The following GGA1 variants were observed in gnomAD, a reference collection of about 807,000 sequenced individuals.
GGA1 encodes golgi associated, gamma adaptin ear containing, ARF binding protein 1.
GGA1 carries 18 observed loss-of-function variants against 76.9 expected under a neutral mutation model. The observed-to-expected ratio is 0.23, with a 90% CI of 0.16 to 0.35. The LOEUF (loss-of-function observed/expected upper bound fraction) is 0.35. Ranked by LOEUF, GGA1 falls within the 10% of genes least tolerant of loss-of-function variation. The pLI is 1.00. For synonymous variants in GGA1, 342 were observed against 354.7 expected, an observed-to-expected ratio of 0.96 and a Z score of 0.40; for missense variants, 755 against 859.0, an observed-to-expected ratio of 0.88 and a Z score of 1.51.
At chr22:37,629,625 A>T in intron 12 of GGA1, 99 bp downstream of exon 12, 2 of 760,956 alleles carry the variant, frequency 2.6e-6, no homozygotes, top group Non-Finnish European at 4.1e-6. Flanking sequence ...GATGGGCTCT[A>T]CTCAAGAGCC....
Position 37,625,025 on chromosome 22 carries a change from C to T in GGA1, c.889C>T (p.Leu297=), listed in dbSNP as rs1197780316. The change falls in exon 10 of 17, where the codon CTG becomes TTG. Residue 297 remains leucine, a synonymous_variant. Coordinates refer to ENST00000343632, the MANE Select transcript of GGA1 (RefSeq NM_013365.5). This position sits in a 1 kb window ranked among gnomAD's most constrained non-coding sequence, Gnocchi z 4.1. ...LTQVINLYKQ[L]VRGEEVNGDA... ...CCAGGTGATCAACCTGTATAAGCAG[C>T]TGGTGCGGGGTGAGGAGGTCAACGG... 1 of 1,602,798 alleles carries T rather than the reference C, an allele frequency of 6.2e-7. No homozygotes were observed. The highest frequency in any genetic ancestry group is 8.5e-7 in the Non-Finnish European group (1 of 1,175,442).
intron 1 of GGA1, chr22:37,610,698 A>T (rs1426112883): frequency 6.6e-6 from 1 of 152,304 alleles, no homozygotes; most frequent in African/African-American, 2.4e-5. Context: ...CGGCCTAGTG[A>T]GGTAAATGAT....
rs1256567023 is a variant in GGA1 at position 37,620,899 on chromosome 22, G to A, written c.514G>A (p.Glu172Lys). The A allele has an allele frequency of 4.4e-6, 7 of 1,606,028 alleles. No individual in the cohort carries two copies. The highest frequency in any genetic ancestry group is 6.0e-6 in the Non-Finnish European group (7 of 1,172,554). ...GCCGAAGAATGTGATCTTTGAAGAT[G>A]AGGAGAAATCCAAGGTGAGACTCCA... ...PRPKNVIFED[E>K]EKSKMLARLL... The change falls in exon 6 of 17, where the codon GAG becomes AAG. Residue 172 changes from glutamate to lysine, a missense_variant. Coordinates refer to ENST00000343632, the MANE Select transcript of GGA1 (RefSeq NM_013365.5).
Position 37,625,654 on chromosome 22 carries a change from A to G in GGA1, c.941-143A>G, listed in dbSNP as rs1485924176. Reference sequence around the variant, plus strand: ...AGGTCCTGTTGAGCAGTTTCCAGGCAGGGGCTGGTGTGGCCAAGGAAGGGG... The same window carrying G: ...AGGTCCTGTTGAGCAGTTTCCAGGCGGGGGCTGGTGTGGCCAAGGAAGGGG... On this transcript the variant is annotated intron_variant, in intron 10 of 16. Coordinates refer to ENST00000343632, the MANE Select transcript of GGA1 (RefSeq NM_013365.5). The surrounding 1 kb of genome is among the most constrained non-coding windows in gnomAD (Gnocchi z 4.1). The G allele has an allele frequency of 5.6e-6, 3 of 536,138 alleles. No individual in the cohort carries two copies. The highest frequency in any genetic ancestry group is 3.0e-5 in the East Asian group (1 of 33,070). 33.2% of individuals were successfully genotyped at this position (536,138 alleles called of 1,614,324 possible).
chr22:37,632,904 A>T lies in GGA1; in HGVS notation c.*193A>T. On this transcript the variant is annotated 3_prime_UTR_variant, in exon 17 of 17. Coordinates refer to ENST00000343632, the MANE Select transcript of GGA1 (RefSeq NM_013365.5). This position sits in a 1 kb window ranked among gnomAD's most constrained non-coding sequence, Gnocchi z 5.1. ...TCCGGCCCCGCCCCTGCTGAGCCAA[A>T]CCCAGTAGGAGGCTGGGCCTGGGTT... The T allele has an allele frequency of 3.4e-6, 2 of 580,670 alleles. No individual in the cohort carries two copies. Among genetic ancestry groups the T allele is most frequent in the African/African-American group, 1.9e-5 (1 of 53,646 alleles). 36.0% of individuals were successfully genotyped at this position (580,670 alleles called of 1,614,324 possible).
Position 37,625,961 on chromosome 22 carries a change from G to A in GGA1, c.1093+12G>A. The A allele has an allele frequency of 6.3e-7, 1 of 1,575,834 alleles. No homozygotes were observed. Among genetic ancestry groups the A allele is most frequent in the Non-Finnish European group, 8.6e-7 (1 of 1,160,464 alleles). Reference sequence around the variant, plus strand: ...GCTCATGTCTCTGGGTGAGGAAGGGGCCAGGCCTGGAGGAGGGCGGGCTCA... The same window carrying A: ...GCTCATGTCTCTGGGTGAGGAAGGGACCAGGCCTGGAGGAGGGCGGGCTCA... On this transcript the variant is annotated intron_variant, in intron 11 of 16. Coordinates refer to ENST00000343632, the MANE Select transcript of GGA1 (RefSeq NM_013365.5). The surrounding 1 kb of genome is among the most constrained non-coding windows in gnomAD (Gnocchi z 4.1).
rs781376328 is a variant in GGA1, at chr22:37,630,887, C to G, written c.1332-16C>G. 1.3e-6 allele frequency: 2 copies of G among 1,591,588 alleles called. No individual in the cohort carries two copies. The highest frequency in any genetic ancestry group is 1.3e-5 in the African/African-American group (1 of 74,268). The stretch of plus-strand genomic sequence containing the variant: ...TGGCCAAGAATCACTTCTTAATGCA[C>G]TGTCCCCCGATTAAGGGAGAAGCAG... On this transcript the variant is annotated splice_polypyrimidine_tract_variant and intron_variant, in intron 13 of 16. Coordinates refer to ENST00000343632, the MANE Select transcript of GGA1 (RefSeq NM_013365.5).
In GGA1 at chr22:37,632,697, T is replaced by G. The variant is rs762701050; in HGVS notation, c.1906T>G (p.Trp636Gly). 6.3e-7 allele frequency: 1 copy of G among 1,594,680 alleles called. No individual in the cohort carries two copies. The change falls in exon 17 of 17, where the codon TGG becomes GGG. Residue 636 changes from tryptophan (W) to glycine (G), a missense_variant. Trp to Gly is a radical substitution (Grantham distance 184). Transcript: ENST00000343632. This position sits in a 1 kb window ranked among gnomAD's most constrained non-coding sequence, Gnocchi z 5.1. The part of the protein sequence containing the change: ...DVDQFPPPET[W>G]GSL ...GGACCAGTTCCCCCCACCTGAAACC[T>G]GGGGTAGCCTCTAGAACAGAGGGGC... is the stretch of plus-strand genomic sequence containing the variant.
intron 1 of GGA1, among the ~76,000 whole-genome samples, chr22:37,613,665 C>G (rs1043528246): frequency 1.3e-5 from 2 of 151,906 alleles, no homozygotes; most frequent in African/African-American, 4.8e-5. Flanking sequence ...TCCCAAAGTG[C>G]TGGGATTACA....
At position 37,609,143 on chromosome 22, in the gene GGA1, C is replaced by T. The variant is rs565553379; in HGVS notation, c.43+240C>T. 15 of 1,468,082 alleles carry T rather than the reference C, an allele frequency of 1.0e-5. No individual in the cohort carries two copies. In the African/African-American group the frequency reaches 1.8e-4, roughly 17 times the overall value. The allele number at this position is 1,468,082 out of a possible 1,614,324, so 90.9% of individuals were successfully genotyped here. On this transcript the variant is annotated intron_variant, in intron 1 of 16. Coordinates refer to ENST00000343632, the MANE Select transcript of GGA1 (RefSeq NM_013365.5). ...CTGTCGGATCCCTGGGCCATGACCC[C>T]TGGGACGGCGAGTGAGCTGCGCCGG...
chr22:37,609,445 C>A, intron 1 of GGA1: 2 of 496,072 alleles, frequency 4.0e-6, no homozygotes, highest in Non-Finnish European at 5.5e-6. Context: ...AGTCTCTAGC[C>A]ACATAGTGAG....
Position 37,625,304 on chromosome 22 carries a change from CAGA to C in GGA1, c.940+234_940+236del, listed in dbSNP as rs1443872807. Among the ~76,000 whole-genome samples the C allele has an allele frequency of 6.6e-6, 1 of 152,048 alleles. No individual in the cohort carries two copies. Among genetic ancestry groups the C allele is most frequent in the East Asian group, 1.9e-4 (1 of 5,184 alleles). ...GAGCTGAGGGTTTGGTGAGGACAGG[CAGA>C]AGAAGGAAGGCATTCTTTCATTTGA... is the stretch of plus-strand genomic sequence containing the variant. On this transcript the variant is annotated intron_variant, in intron 10 of 16. Coordinates refer to ENST00000343632, the MANE Select transcript of GGA1 (RefSeq NM_013365.5). The surrounding 1 kb of genome is among the most constrained non-coding windows in gnomAD (Gnocchi z 4.1).
intron 1 of GGA1, among the ~76,000 whole-genome samples, chr22:37,611,403 TCTC>T (rs1476347550): frequency 1.3e-5 from 2 of 152,192 alleles, no homozygotes; most frequent in South Asian, 2.1e-4. Context: ...TGTCTGCACT[TCTC>T]CTTGCTATGC....
chr22:37,608,993 G>C, intron 1 of GGA1, 90 bp downstream of exon 1: 1 of 1,346,232 alleles, frequency 7.4e-7, no homozygotes, highest in Non-Finnish European at 9.5e-7. Context: ...GGTACGGGTC[G>C]CCCCCTCCTC....
chr22:37,618,702 C>T (rs1442050829), intron 4 of GGA1, among the ~76,000 whole-genome samples, 156 bp downstream of exon 4: 1 of 152,184 alleles, frequency 6.6e-6, no homozygotes, highest in Non-Finnish European at 1.5e-5. Context: ...ACACAGATCT[C>T]TTCTCACAGT....
At chr22:37,614,003 G>T (rs1204499483) in intron 1 of GGA1, 187 bp from the exon 2 acceptor site, 3 of 575,140 alleles carry the variant, frequency 5.2e-6, no homozygotes, top group Non-Finnish European at 9.4e-6. Flanking sequence ...GGGCAGCTGT[G>T]CTCATCTGTC....
intron 11 of GGA1, among the ~76,000 whole-genome samples, chr22:37,627,344 A>G (rs1055031844): frequency 6.6e-6 from 1 of 151,998 alleles, no homozygotes; most frequent in African/African-American, 2.4e-5. Flanking sequence ...GCTGAAGGGG[A>G]AGGAGAGCTG....
At position 37,632,320 on chromosome 22, in the gene GGA1, A is replaced by C. The variant is rs913795471; in HGVS notation, c.1699-85A>C. On this transcript the variant is annotated intron_variant, in intron 15 of 16. Coordinates refer to ENST00000343632, the MANE Select transcript of GGA1 (RefSeq NM_013365.5). This position sits in a 1 kb window ranked among gnomAD's most constrained non-coding sequence, Gnocchi z 5.1. ...AAGGACTGAGCCCCAGGATCCCCGG[A>C]GGGGAGCTGGCAGGCTGGGCCTGGT... 1.9e-5 allele frequency: 25 copies of C among 1,322,164 alleles called. No homozygotes were observed. Among genetic ancestry groups the C allele is most frequent in the Non-Finnish European group, 2.4e-5 (22 of 921,694 alleles). 81.9% of individuals were successfully genotyped at this position (1,322,164 alleles called of 1,614,324 possible). A position where few individuals can be genotyped will look rare whatever the true frequency, so the allele number is the denominator to read the frequency against.
At chr22:37,609,088 G>C in intron 1 of GGA1, 185 bp downstream of exon 1, 1 of 1,490,048 alleles carries the variant, frequency 6.7e-7, no homozygotes, top group Non-Finnish European at 8.9e-7. Context: ...GCCCCGGCGC[G>C]GTCCAGCGGT....
Sources: gnomAD v4.1 joint callset for allele counts (sites outside exome capture counted in the v4.1 genomes callset) on GRCh38, gnomAD v4.1.1 for gene constraint, Gnocchi (gnomAD v3.1) non-coding constraint, MANE v1.5 for transcripts, NCBI Gene and HGNC (gene_info 2026-07-23, HGNC 2026-07-21) for gene names.